Variants in NRXN1 observed in about 807,000 individuals in gnomAD.
The protein encoded by NRXN1 is neurexin 1, also known as neurexin-1.
In NRXN1, 39 loss-of-function variants were observed where a neutral mutation model predicts 150.9. The ratio of observed to expected loss-of-function variants is 0.26; its 90% CI spans 0.20 to 0.34. NRXN1 has a LOEUF of 0.34. NRXN1 is among the 10% of genes least tolerant of loss of function. NRXN1 has a pLI of 1.00. For missense variants in NRXN1, 1,815 were observed against 1,949.9 expected, an observed-to-expected ratio of 0.93 and a Z score of 1.30; for synonymous variants, 924 against 757.0, an observed-to-expected ratio of 1.22 and a Z score of -3.62.
intron 18 of NRXN1, among the ~76,000 whole-genome samples, chr2:50,195,874 A>T (rs1445970778): frequency 6.6e-6 from 1 of 152,128 alleles, no homozygotes; most frequent in Admixed American, 6.6e-5. Flanking sequence ...GAGTGAGAAG[A>T]AAGAAATGTA....
intron 17 of NRXN1, among the ~76,000 whole-genome samples, chr2:50,295,361 T>A (rs766267143): frequency 1.3e-5 from 2 of 152,326 alleles, no homozygotes; most frequent in Non-Finnish European, 2.9e-5. Context: ...GGTAAATTTT[T>A]TATGAAAGAT....
chr2:50,669,761 A>AT (rs913587892), intron 5 of NRXN1, among the ~76,000 whole-genome samples: 13 of 151,534 alleles, frequency 8.6e-5, no homozygotes, highest in African/African-American at 2.2e-4. Flanking sequence ...AAAAATTGTG[A>AT]TTTTTTTACA....
rs545542499 is a variant in NRXN1, at chr2:50,499,118, G to T, written c.2498-1404C>A. On this transcript the variant is annotated intron_variant, in intron 13 of 22. Transcript: ENST00000401669. ...ACAGTGTTTAAGGAAATATCTGTAA[G>T]TAAAATTTAGACGTCATGCTTTTTG... Among the ~76,000 whole-genome samples the T allele has an allele frequency of 4.6e-5, 7 of 152,270 alleles. No homozygotes were observed. The South Asian group carries it at 1.5e-3, about 32-fold the overall frequency.
At chr2:50,862,478 C>A (rs1676281802) in intron 5 of NRXN1, among the ~76,000 whole-genome samples, 2 of 152,008 alleles carry the variant, frequency 1.3e-5, no homozygotes, top group Non-Finnish European at 2.9e-5. Flanking sequence ...GGATACATTT[C>A]TTTCAGCATT....
chr2:50,361,119 TAC>T (rs1253522290), intron 17 of NRXN1, among the ~76,000 whole-genome samples: 1 of 152,164 alleles, frequency 6.6e-6, no homozygotes, highest in African/African-American at 2.4e-5. Context: ...AAGCAGTGTT[TAC>T]AGGGAAATTT....
chr2:50,588,881 G>C (rs1030129598), intron 8 of NRXN1: 1 of 152,260 alleles, frequency 6.6e-6, no homozygotes, highest in South Asian at 2.1e-4. Flanking sequence ...GTAGGCTCGT[G>C]TATCCACGTC....
chr2:50,178,179 C>A (rs529394891), intron 18 of NRXN1, among the ~76,000 whole-genome samples: 1 of 152,044 alleles, frequency 6.6e-6, no homozygotes, highest in Non-Finnish European at 1.5e-5. Context: ...ATTCTAAAAT[C>A]GATATGAGCT....
At chr2:50,098,830 G>GTTTTTT (rs746736925) in intron 18 of NRXN1, among the ~76,000 whole-genome samples, 28 of 105,480 alleles carry the variant, frequency 2.7e-4, no homozygotes, top group Non-Finnish European at 4.1e-4. Context: ...TTTGGTTTTA[G>GTTTTTT]TTTTTTTTTT....
intron 18 of NRXN1, among the ~76,000 whole-genome samples, chr2:50,162,625 T>C (rs968083374): frequency 2.0e-5 from 3 of 152,004 alleles, no homozygotes; most frequent in Non-Finnish European, 4.4e-5. Context: ...AGACTAAACA[T>C]GATTTCAAAT....
At chr2:50,353,747 A>G (rs574007736) in intron 17 of NRXN1, among the ~76,000 whole-genome samples, 6 of 152,288 alleles carry the variant, frequency 3.9e-5, no homozygotes, top group Admixed American at 2.6e-4. Flanking sequence ...GCCATATTCT[A>G]AAGTCTTCCC....
intron 8 of NRXN1, among the ~76,000 whole-genome samples, chr2:50,605,474 C>A (rs2103993343): frequency 6.6e-6 from 1 of 152,172 alleles, no homozygotes; most frequent in African/African-American, 2.4e-5. Context: ...GGGCTACGGA[C>A]TTGAATAAAC....
chr2:50,066,294 G>C (rs1197809410), intron 19 of NRXN1, among the ~76,000 whole-genome samples: 6 of 152,080 alleles, frequency 3.9e-5, no homozygotes, highest in African/African-American at 1.4e-4. Context: ...CGTTGTCTAG[G>C]GAGTCAAGGG....
At chr2:49,950,893 C>T (rs748622807) in intron 21 of NRXN1, among the ~76,000 whole-genome samples, 4 of 151,984 alleles carry the variant, frequency 2.6e-5, no homozygotes, top group Admixed American at 6.6e-5. Context: ...CTTTAATGTT[C>T]TTTCCCAATT....
chr2:50,134,680 T>C (rs1706108500), intron 18 of NRXN1, among the ~76,000 whole-genome samples: 1 of 151,998 alleles, frequency 6.6e-6, no homozygotes, highest in Non-Finnish European at 1.5e-5. Flanking sequence ...CTCCCCTCCT[T>C]CCCCCATCAC....
At chr2:50,448,588 G>A (rs1429202321) in intron 17 of NRXN1, among the ~76,000 whole-genome samples, 1 of 152,206 alleles carries the variant, frequency 6.6e-6, no homozygotes, top group Non-Finnish European at 1.5e-5. Context: ...TTGGGAAAGT[G>A]TAGTTAATTG....
intron 18 of NRXN1, among the ~76,000 whole-genome samples, chr2:50,128,496 T>C (rs1704942477): frequency 6.6e-6 from 1 of 152,090 alleles, no homozygotes; most frequent in African/African-American, 2.4e-5. Context: ...TTATAAATAT[T>C]TACAGAAATA....
chr2:50,496,041 G>A lies in NRXN1; in HGVS notation c.2934C>T (p.Ser978=). The change falls in exon 15 of 23, where the codon AGC becomes AGT. Residue 978 remains serine (S), a synonymous_variant. Coordinates refer to ENST00000401669, the MANE Select transcript of NRXN1 (RefSeq NM_001330078.2). ...LGNGANLIKG[S]SNKPLNDNQW... is the part of the protein sequence containing the mutation. ...GATTGTCATTGAGAGGTTTATTTGA[G>A]CTTCCTTTGATGAGGTTAGCACCAT... 6.2e-7 allele frequency: 1 copy of A among 1,612,644 alleles called. No individual in the cohort carries two copies. The highest frequency in any genetic ancestry group is 2.2e-5 in the East Asian group (1 of 44,854).
intron 18 of NRXN1, among the ~76,000 whole-genome samples, chr2:50,162,380 C>T (rs1368634716): frequency 6.6e-6 from 1 of 152,026 alleles, no homozygotes; most frequent in South Asian, 2.1e-4. Flanking sequence ...TAAAACTCTG[C>T]CTATAAACAT....
chr2:50,619,944 C>T (rs907577954), intron 8 of NRXN1, 78 bp downstream of exon 8: 12 of 1,335,800 alleles, frequency 9.0e-6, no homozygotes, highest in Non-Finnish European at 1.2e-5. Flanking sequence ...ATCGGGTCTT[C>T]AGCAAAGGTG....
Sources: gnomAD v4.1 joint callset for allele counts (sites outside exome capture counted in the v4.1 genomes callset) on GRCh38, gnomAD v4.1.1 for gene constraint, MANE v1.5 for transcripts, NCBI Gene and HGNC (gene_info 2026-07-23, HGNC 2026-07-21) for gene names.